Variants in SYNDIG1L observed in about 807,000 individuals in gnomAD.
SYNDIG1L encodes synapse differentiation inducing 1 like.
A neutral mutation model predicts 20.1 loss-of-function variants in SYNDIG1L; 13 were observed. The ratio of observed to expected loss-of-function variants is 0.65; its 90% CI spans 0.42 to 1.03. The LOEUF (loss-of-function observed/expected upper bound fraction) is 1.03. Among genes scored for constraint, SYNDIG1L ranks in the 50% least tolerant of loss-of-function variants. The pLI is 0.00. For synonymous variants in SYNDIG1L, 128 were observed against 129.3 expected (o/e 0.99, Z 0.07); for missense variants, 294 against 305.1 (o/e 0.96, Z 0.27).
upstream of SYNDIG1L, among the ~76,000 whole-genome samples, chr14:74,428,386 C>G (rs1473360519): frequency 6.6e-6 from 1 of 152,218 alleles, no homozygotes; most frequent in African/African-American, 2.4e-5. Context: ...TTTCCATTCT[C>G]TCTTTATCCC....
At chr14:74,445,211 C>T in the SYNDIG1L span, among the ~76,000 whole-genome samples, 1 of 152,138 alleles carries the variant, frequency 6.6e-6, no homozygotes, top group Non-Finnish European at 1.5e-5. Context: ...TCTTCACCTT[C>T]TGCCATGATT....
At chr14:74,457,857 G>A in the SYNDIG1L span, among the ~76,000 whole-genome samples, 1 of 152,098 alleles carries the variant, frequency 6.6e-6, no homozygotes, top group Admixed American at 6.5e-5. Context: ...AGCTGCAGTG[G>A]TGCGGTCACA....
At chr14:74,423,685 T>A (rs1016882269) in intron 1 of SYNDIG1L, among the ~76,000 whole-genome samples, 1 of 35,142 alleles carries the variant, frequency 2.8e-5, no homozygotes, top group Non-Finnish European at 5.4e-5. Flanking sequence ...TTTTGATTGA[T>A]ATATATATAC....
chr14:74,439,785 A>G, the SYNDIG1L span, among the ~76,000 whole-genome samples: 1 of 151,414 alleles, frequency 6.6e-6, no homozygotes, highest in African/African-American at 2.4e-5. Flanking sequence ...AGGCTGAGGC[A>G]GGAGAATCGC....
chr14:74,428,874 G>T (rs2086284565), upstream of SYNDIG1L, among the ~76,000 whole-genome samples: 1 of 152,074 alleles, frequency 6.6e-6, no homozygotes, highest in South Asian at 2.1e-4. Context: ...AGGAGAGATT[G>T]GTTGTGGGGA....
upstream of SYNDIG1L, among the ~76,000 whole-genome samples, chr14:74,430,286 C>CA (rs1386191817): frequency 6.6e-6 from 1 of 152,144 alleles, no homozygotes; most frequent in Non-Finnish European, 1.5e-5. Flanking sequence ...GCACTCTTGG[C>CA]ACTTTCCCAC....
chr14:74,443,433 G>C, the SYNDIG1L span, among the ~76,000 whole-genome samples: 1 of 152,206 alleles, frequency 6.6e-6, no homozygotes, highest in African/African-American at 2.4e-5. Context: ...TGGAAGCCAA[G>C]GCCGAGGATT....
chr14:74,461,442 T>C, the SYNDIG1L span, among the ~76,000 whole-genome samples: 3 of 152,352 alleles, frequency 2.0e-5, no homozygotes, highest in South Asian at 6.2e-4. Flanking sequence ...AAACAGATTT[T>C]GTCCTTTCCT....
the SYNDIG1L span, among the ~76,000 whole-genome samples, chr14:74,463,378 G>A: frequency 6.6e-6 from 1 of 152,168 alleles, no homozygotes; most frequent in Admixed American, 6.5e-5. Context: ...GTTCTGCAGA[G>A]TGTCCCTTCT....
the SYNDIG1L span, among the ~76,000 whole-genome samples, chr14:74,465,765 C>A: frequency 6.6e-6 from 1 of 152,198 alleles, no homozygotes; most frequent in Non-Finnish European, 1.5e-5. Context: ...CTGGCCCTCA[C>A]CCTAACCTGT....
At chr14:74,461,707 C>T in the SYNDIG1L span, among the ~76,000 whole-genome samples, 1 of 151,768 alleles carries the variant, frequency 6.6e-6, no homozygotes, top group African/African-American at 2.4e-5. Flanking sequence ...ATATCCTTAT[C>T]TCAGTCTCCC....
chr14:74,411,001 C>T (rs2086126256), intron 1 of SYNDIG1L, among the ~76,000 whole-genome samples: 2 of 151,968 alleles, frequency 1.3e-5, no homozygotes, highest in Middle Eastern at 6.8e-3. Flanking sequence ...AAGCCATAAA[C>T]CCCCCCAACA....
intron 1 of SYNDIG1L, among the ~76,000 whole-genome samples, 177 bp downstream of exon 1, chr14:74,425,735 C>G (rs998619221): frequency 6.6e-5 from 10 of 152,174 alleles, no homozygotes. Flanking sequence ...CCAGCACCCC[C>G]AGCCTGCAGG....
the SYNDIG1L span, among the ~76,000 whole-genome samples, chr14:74,454,836 C>G: frequency 6.6e-6 from 1 of 152,204 alleles, no homozygotes; most frequent in South Asian, 2.1e-4. Flanking sequence ...CCACAGAAAA[C>G]AAATTCACCT....
the SYNDIG1L span, among the ~76,000 whole-genome samples, chr14:74,455,394 CTTTTTT>C: frequency 8.1e-6 from 1 of 123,770 alleles, no homozygotes; most frequent in Non-Finnish European, 1.6e-5. Context: ...CTTCCCCAAT[CTTTTTT>C]TTTTTTTTTT....
At chr14:74,448,664 C>A in the SYNDIG1L span, among the ~76,000 whole-genome samples, 5 of 152,026 alleles carry the variant, frequency 3.3e-5, no homozygotes, top group African/African-American at 1.2e-4. Context: ...TAAAAGGATT[C>A]AAGTCATATA....
chr14:74,419,960 G>A (rs1194160100), intron 1 of SYNDIG1L, among the ~76,000 whole-genome samples: 2 of 152,170 alleles, frequency 1.3e-5, no homozygotes, highest in Admixed American at 6.5e-5. Flanking sequence ...GAGCACTGGG[G>A]AGCCAGTGAT....
At chr14:74,433,430 C>T in the SYNDIG1L span, among the ~76,000 whole-genome samples, 2 of 151,962 alleles carry the variant, frequency 1.3e-5, no homozygotes, top group Non-Finnish European at 2.9e-5. Context: ...GTCACCCAGG[C>T]TGGAGTGCAG....
chr14:74,419,816 G>A (rs998901801), intron 1 of SYNDIG1L, among the ~76,000 whole-genome samples: 4 of 152,178 alleles, frequency 2.6e-5, no homozygotes, highest in Non-Finnish European at 4.4e-5. Context: ...CTAGGTGACC[G>A]AATGAGAGAA....
Sources: allele counts gnomAD v4.1 joint callset (sites outside exome capture counted in the v4.1 genomes callset), GRCh38; gene constraint gnomAD v4.1.1; transcripts MANE v1.5; gene names NCBI Gene and HGNC (gene_info 2026-07-23, HGNC 2026-07-21).